The following LARP4B variants were observed in gnomAD, a reference collection of about 807,000 sequenced individuals.
LARP4B encodes la-related protein 4B.
A neutral mutation model predicts 89.8 loss-of-function variants in LARP4B; 12 were observed. The observed-to-expected ratio is 0.13, with a 90% CI of 0.09 to 0.22. The LOEUF (loss-of-function observed/expected upper bound fraction) is 0.22. Among genes scored for constraint, LARP4B ranks in the 10% least tolerant of loss-of-function variants. LARP4B has a pLI of 1.00. For synonymous variants in LARP4B, 367 were observed against 363.3 expected (o/e 1.01, Z -0.12); for missense variants, 757 against 947.7 (o/e 0.80, Z 2.64).
the LARP4B span, among the ~76,000 whole-genome samples, chr10:965,263 A>G: frequency 6.6e-6 from 1 of 152,212 alleles, no homozygotes; most frequent in African/African-American, 2.4e-5. Context: ...GGTGGTGCTC[A>G]GCGGAACGTC....
At chr10:924,170 G>A (rs184084436) in intron 1 of LARP4B, among the ~76,000 whole-genome samples, 22 of 152,282 alleles carry the variant, frequency 1.4e-4, no homozygotes, top group Admixed American at 1.1e-3. Flanking sequence ...CTCAAGCCCA[G>A]GTCGAGGCTG....
chr10:855,339 A>G (rs1834249136), intron 5 of LARP4B, among the ~76,000 whole-genome samples: 2 of 152,198 alleles, frequency 1.3e-5, no homozygotes, highest in African/African-American at 4.8e-5. Context: ...TTGCTTACTA[A>G]GCTTAATCAC....
At chr10:969,728 CA>C in the LARP4B span, among the ~76,000 whole-genome samples, 4 of 148,988 alleles carry the variant, frequency 2.7e-5, no homozygotes, top group South Asian at 8.5e-4. Flanking sequence ...GACTCTGTCT[CA>C]AAAAAAAATA....
chr10:956,777 A>C, the LARP4B span, among the ~76,000 whole-genome samples: 1 of 152,204 alleles, frequency 6.6e-6, no homozygotes, highest in Non-Finnish European at 1.5e-5. The surrounding 1 kb of genome is among the most constrained non-coding windows in gnomAD (Gnocchi z 4.3). Context: ...TGCTAGAGCC[A>C]TGGCCTGTAG....
In LARP4B at chr10:809,625, ACTTAAATTACCAATAGTTTACATGTAAGC is replaced by A. The variant is rs1458660368; in HGVS notation, c.*3272_*3300del. The A allele has an allele frequency of 2.0e-5, 3 of 152,676 alleles. No homozygotes were observed. The highest frequency in any genetic ancestry group is 4.4e-5 in the Non-Finnish European group (3 of 68,058). 9.5% of individuals were successfully genotyped at this position (152,676 alleles called of 1,614,324 possible). A position where few individuals can be genotyped will look rare whatever the true frequency, so the allele number is the denominator to read the frequency against. ...TTTACACTGAATGACACAAAAGGAA[ACTTAAATTACCAATAGTTTACATGTAAGC>A]TTGATTCCAGTCTTAATGAAGCAGA... On this transcript the variant is annotated 3_prime_UTR_variant, in exon 18 of 18. Coordinates refer to ENST00000316157, the MANE Select transcript of LARP4B (RefSeq NM_015155.3).
At chr10:942,730 G>A in the LARP4B span, 1 of 152,100 alleles carries the variant, frequency 6.6e-6, no homozygotes, top group Admixed American at 6.6e-5. Flanking sequence ...AATAAATATG[G>A]AAAATTCTGA....
intron 5 of LARP4B, among the ~76,000 whole-genome samples, chr10:860,769 G>A (rs1323572727): frequency 6.6e-6 from 1 of 151,948 alleles, no homozygotes; most frequent in African/African-American, 2.4e-5. Flanking sequence ...GCAACTTGTG[G>A]GGCTGATGCA....
chr10:986,302 A>G, the LARP4B span: 2 of 152,378 alleles, frequency 1.3e-5, no homozygotes, highest in African/African-American at 2.4e-5. Context: ...GTCACAAGGT[A>G]CACACTCAGA....
At chr10:877,326 A>G (rs1386012172) in intron 3 of LARP4B, among the ~76,000 whole-genome samples, 4 of 152,112 alleles carry the variant, frequency 2.6e-5, no homozygotes, top group Admixed American at 2.6e-4. Context: ...GGCTGCAGTG[A>G]GCTATTACTG....
the LARP4B span, among the ~76,000 whole-genome samples, chr10:984,352 C>T: frequency 3.3e-5 from 5 of 152,266 alleles, no homozygotes; most frequent in South Asian, 4.1e-4. Flanking sequence ...ATTCCAAATA[C>T]GTGTATGATT....
chr10:959,379 A>G, the LARP4B span, among the ~76,000 whole-genome samples: 1 of 146,378 alleles, frequency 6.8e-6, no homozygotes, highest in Admixed American at 6.8e-5. Flanking sequence ...CCTCCTCATC[A>G]ATCCCACCTC....
chr10:822,723 C>T lies in LARP4B; in HGVS notation c.1485-1878G>A, dbSNP rs1588857593. Among the ~76,000 whole-genome samples the T allele has an allele frequency of 6.6e-6, 1 of 152,208 alleles. No individual in the cohort carries two copies. The highest frequency in any genetic ancestry group is 2.4e-5 in the African/African-American group (1 of 41,452). ...AGAGGAAACATCACTGTGACACCCG[C>T]GACTCTGAATGCAGTGGTGTGAAGG... On this transcript the variant is annotated intron_variant, in intron 13 of 17. Transcript: ENST00000316157. The surrounding 1 kb of genome is among the most constrained non-coding windows in gnomAD (Gnocchi z 4.6).
At position 812,670 on chromosome 10, in the gene LARP4B, GA is replaced by G. The variant is rs565059369; in HGVS notation, c.*255del. The G allele has an allele frequency of 1.2e-4, 40 of 336,778 alleles. No homozygotes were observed. Among genetic ancestry groups the G allele is most frequent in the East Asian group, 1.8e-4 (4 of 21,980 alleles). 20.9% of individuals were successfully genotyped at this position (336,778 alleles called of 1,614,324 possible). On this transcript the variant is annotated 3_prime_UTR_variant, in exon 18 of 18. Transcript: ENST00000316157. ...TAGGATAAATGCTTTTTCTATCTTG[GA>G]AAAAAAAATCAGACTTATGCATCAC...
intron 5 of LARP4B, among the ~76,000 whole-genome samples, chr10:854,511 C>T (rs935191773): frequency 2.0e-5 from 3 of 152,150 alleles, no homozygotes; most frequent in African/African-American, 7.2e-5. Flanking sequence ...CCTTGTACAC[C>T]TGTCAGAGCT....
intron 3 of LARP4B, among the ~76,000 whole-genome samples, chr10:872,727 C>T (rs1350278060): frequency 2.6e-5 from 4 of 152,180 alleles, no homozygotes; most frequent in Admixed American, 2.6e-4. Context: ...GAGAAAAGCT[C>T]CTCATCTTCC....
At chr10:949,511 G>A in the LARP4B span, among the ~76,000 whole-genome samples, 1 of 151,804 alleles carries the variant, frequency 6.6e-6, no homozygotes, top group Non-Finnish European at 1.5e-5. Context: ...AGCCCCAGGT[G>A]AGTGACCTCC....
chr10:845,831 C>A (rs1253802561), intron 5 of LARP4B, among the ~76,000 whole-genome samples: 1 of 152,136 alleles, frequency 6.6e-6, no homozygotes, highest in Non-Finnish European at 1.5e-5. Context: ...TTCCTGCCTT[C>A]CTATATAAAT....
At chr10:960,707 C>CAAAAA in the LARP4B span, among the ~76,000 whole-genome samples, 11 of 65,884 alleles carry the variant, frequency 1.7e-4, no homozygotes, top group Non-Finnish European at 2.6e-4. Flanking sequence ...GACTCTGTCT[C>CAAAAA]AAAAAAAAAA....
the LARP4B span, among the ~76,000 whole-genome samples, chr10:977,644 TTTC>T: frequency 6.6e-6 from 1 of 152,240 alleles, no homozygotes; most frequent in African/African-American, 2.4e-5. Context: ...TAGAGTTCTT[TTTC>T]TTGTTATTAT....
Sources: allele counts gnomAD v4.1 joint callset (sites outside exome capture counted in the v4.1 genomes callset), GRCh38; gene constraint gnomAD v4.1.1; non-coding constraint Gnocchi (gnomAD v3.1); transcripts MANE v1.5; gene names NCBI Gene and HGNC (gene_info 2026-07-23, HGNC 2026-07-21).